The following RNF152 variants were observed in gnomAD, a reference collection of about 807,000 sequenced individuals.
RNF152 encodes ring finger protein 152, also known as E3 ubiquitin-protein ligase RNF152.
A neutral mutation model predicts 12.7 loss-of-function variants in RNF152; 11 were observed. That is an observed-to-expected ratio of 0.86 (90% CI 0.54 to 1.43). The LOEUF is 1.43. RNF152 is among the 40% of genes most tolerant of loss of function. The pLI, the probability that RNF152 is intolerant of heterozygous loss-of-function variation, is 0.00. For missense variants in RNF152, 255 were observed against 274.8 expected (o/e 0.93, Z 0.51); for synonymous variants, 113 against 120.3 (o/e 0.94, Z 0.40).
intron 1 of RNF152, among the ~76,000 whole-genome samples, chr18:61,837,523 C>G (rs568083938): frequency 5.9e-5 from 9 of 152,132 alleles, no homozygotes; most frequent in Non-Finnish European, 1.2e-4. Context: ...TGACTTTGTA[C>G]CAGTCTCTCC....
intron 1 of RNF152, among the ~76,000 whole-genome samples, chr18:61,838,595 A>C (rs1356158578): frequency 6.6e-6 from 1 of 152,174 alleles, no homozygotes; most frequent in East Asian, 1.9e-4. Context: ...GCAATCCTCC[A>C]ACTTGGTCCC....
intron 1 of RNF152, among the ~76,000 whole-genome samples, chr18:61,850,840 T>G (rs1910938078): frequency 6.6e-6 from 1 of 152,268 alleles, no homozygotes; most frequent in South Asian, 2.1e-4. Context: ...CACTTCACCC[T>G]TAGGCTGTGA....
chr18:61,844,587 T>C (rs1910664937), intron 1 of RNF152, among the ~76,000 whole-genome samples: 1 of 152,206 alleles, frequency 6.6e-6, no homozygotes, highest in Non-Finnish European at 1.5e-5. Context: ...ATATTTACAG[T>C]AGCATTTTTT....
chr18:61,887,040 A>G lies in RNF152; in HGVS notation c.-136+5755T>C, dbSNP rs61545985. On this transcript the variant is annotated intron_variant, in intron 1 of 1. Coordinates refer to ENST00000312828, the MANE Select transcript of RNF152 (RefSeq NM_173557.3). ...ATTTTAGGCCACAGAATGTGCTAGA[A>G]TAAGAAAGAGGCAATGAAAAACATT... Among the ~76,000 whole-genome samples, 1,066 of 152,366 alleles carry G rather than the reference A, an allele frequency of 7.0e-3. 5 individuals are homozygous for G. Among genetic ancestry groups the G allele is most frequent in the African/African-American group, 0.024 (989 of 41,588 alleles).
In RNF152 at chr18:61,811,234, T is replaced by C. The variant is rs1912966136; in HGVS notation, c.*4618A>G. ...TTTTGAAACAACATAAGTTTTCAAA[T>C]AAAGGGATGGGAACTCTTAAAATCA... On this transcript the variant is annotated 3_prime_UTR_variant, in exon 2 of 2. Coordinates refer to ENST00000312828, the MANE Select transcript of RNF152 (RefSeq NM_173557.3). The C allele has an allele frequency of 6.6e-6, 1 of 152,076 alleles. No homozygotes were observed. The highest frequency in any genetic ancestry group is 6.6e-5 in the Admixed American group (1 of 15,266). The allele number at this position is 152,076 out of a possible 1,614,324, so 9.4% of individuals were successfully genotyped here.
At chr18:61,885,999 T>C (rs1912681547) in intron 1 of RNF152, among the ~76,000 whole-genome samples, 2 of 145,556 alleles carry the variant, frequency 1.4e-5, no homozygotes, top group South Asian at 2.2e-4. Flanking sequence ...TTTTTTTTTT[T>C]TTTTTTTTTT....
At chr18:61,848,050 C>T (rs1910814855) in intron 1 of RNF152, among the ~76,000 whole-genome samples, 1 of 152,190 alleles carries the variant, frequency 6.6e-6, no homozygotes, top group Non-Finnish European at 1.5e-5. Flanking sequence ...CTTGGAATCA[C>T]CTGCTATCTC....
At chr18:61,852,273 G>A (rs1238819169) in intron 1 of RNF152, among the ~76,000 whole-genome samples, 1 of 152,174 alleles carries the variant, frequency 6.6e-6, no homozygotes, top group Admixed American at 6.5e-5. Context: ...TGAGGAAAAG[G>A]CCTAGACATC....
In RNF152 at chr18:61,814,914, G is replaced by A. The variant is rs1445218355; in HGVS notation, c.*938C>T. ...GCAGGTGACGTGTAGGAGACCACTCGCTGGGTCAAGATGTCCAAGAAGTGG... is the reference window on the plus strand; with the variant it reads ...GCAGGTGACGTGTAGGAGACCACTCACTGGGTCAAGATGTCCAAGAAGTGG... On this transcript the variant is annotated 3_prime_UTR_variant, in exon 2 of 2. Transcript: ENST00000312828. The A allele has an allele frequency of 1.3e-5, 2 of 152,164 alleles. No homozygotes were observed. Among genetic ancestry groups the A allele is most frequent in the African/African-American group, 4.8e-5 (2 of 41,420 alleles). 9.4% of individuals were successfully genotyped at this position (152,164 alleles called of 1,614,324 possible).
In RNF152 at chr18:61,808,807, G is replaced by C. The variant is rs1177595405; in HGVS notation, c.*7045C>G. On this transcript the variant is annotated 3_prime_UTR_variant, in exon 2 of 2. Coordinates refer to ENST00000312828, the MANE Select transcript of RNF152 (RefSeq NM_173557.3). ...AGGCCTTGCATTCCATGGTTAAGAG[G>C]ATTCTAGAGTCTGTCTGCACTGACG... 3 of 152,348 alleles carry C rather than the reference G, an allele frequency of 2.0e-5. No individual in the cohort carries two copies. In the South Asian group the frequency reaches 6.2e-4, roughly 32 times the overall value. The allele number at this position is 152,348 out of a possible 1,614,324, so 9.4% of individuals were successfully genotyped here.
intron 1 of RNF152, among the ~76,000 whole-genome samples, chr18:61,889,115 A>G (rs1681100100): frequency 6.6e-6 from 1 of 152,130 alleles, no homozygotes; most frequent in Admixed American, 6.5e-5. Context: ...CTGGTCTCCA[A>G]GCTGCTCATC....
chr18:61,821,169 G>A (rs146129614), intron 1 of RNF152, among the ~76,000 whole-genome samples: 4 of 152,294 alleles, frequency 2.6e-5, no homozygotes, highest in Admixed American at 6.5e-5. Context: ...CAAGACCTGC[G>A]TACCATCATT....
At chr18:61,869,378 T>C (rs981032634) in intron 1 of RNF152, among the ~76,000 whole-genome samples, 5 of 152,122 alleles carry the variant, frequency 3.3e-5, no homozygotes, top group Non-Finnish European at 7.4e-5. Context: ...AACCCCTACT[T>C]CCAAATAAAC....
intron 1 of RNF152, among the ~76,000 whole-genome samples, chr18:61,838,887 T>C (rs1251989699): frequency 6.6e-6 from 1 of 152,126 alleles, no homozygotes; most frequent in Non-Finnish European, 1.5e-5. Flanking sequence ...ACATCCCACC[T>C]GCCCTCTCAT....
At chr18:61,816,795 T>C (rs1019895401) in intron 1 of RNF152, among the ~76,000 whole-genome samples, 197 bp from the exon 2 acceptor site, 4 of 152,196 alleles carry the variant, frequency 2.6e-5, no homozygotes, top group African/African-American at 4.8e-5. Context: ...GAGCATGTCA[T>C]GGCAAATACT....
At chr18:61,844,436 C>T (rs746143818) in intron 1 of RNF152, among the ~76,000 whole-genome samples, 6 of 152,158 alleles carry the variant, frequency 3.9e-5, no homozygotes, top group Non-Finnish European at 5.9e-5. Context: ...AAAAACAATA[C>T]CTTACCACTA....
At chr18:61,840,316 G>T (rs1260980250) in intron 1 of RNF152, among the ~76,000 whole-genome samples, 1 of 152,170 alleles carries the variant, frequency 6.6e-6, no homozygotes, top group African/African-American at 2.4e-5. Flanking sequence ...AGCCTGAATG[G>T]ACCACAGTGT....
intron 1 of RNF152, among the ~76,000 whole-genome samples, chr18:61,887,744 A>C (rs893218755): frequency 6.6e-6 from 1 of 151,442 alleles, no homozygotes; most frequent in African/African-American, 2.4e-5. Flanking sequence ...TTTCTACAGT[A>C]TCTGTCAAAG....
chr18:61,886,767 T>G (rs1355421252), intron 1 of RNF152, among the ~76,000 whole-genome samples: 4 of 152,212 alleles, frequency 2.6e-5, no homozygotes, highest in African/African-American at 9.6e-5. Context: ...TTCTATTCTT[T>G]GCAATTAAAC....
Sources: allele counts gnomAD v4.1 joint callset (sites outside exome capture counted in the v4.1 genomes callset), GRCh38; gene constraint gnomAD v4.1.1; transcripts MANE v1.5; gene names NCBI Gene and HGNC (gene_info 2026-07-23, HGNC 2026-07-21).